The following KCNQ2 variants were observed in gnomAD, a reference collection of about 807,000 sequenced individuals.
KCNQ2 encodes potassium voltage-gated channel subfamily KQT member 2.
In KCNQ2, 14 loss-of-function variants were observed where a neutral mutation model predicts 84.8. The ratio of observed to expected loss-of-function variants is 0.17; its 90% CI spans 0.11 to 0.26. KCNQ2 has a LOEUF of 0.26. Ranked by LOEUF, KCNQ2 falls within the 10% of genes least tolerant of loss-of-function variation. KCNQ2 has a pLI of 1.00. For missense variants in KCNQ2, 788 were observed against 1,254.0 expected (o/e 0.63, Z 5.61); for synonymous variants, 599 against 554.1 (o/e 1.08, Z -1.14).
intron 5 of KCNQ2, among the ~76,000 whole-genome samples, chr20:63,440,879 C>T (rs1342068059): frequency 6.6e-6 from 1 of 151,946 alleles, no homozygotes; most frequent in African/African-American, 2.4e-5. Flanking sequence ...CTGGGCGAGG[C>T]CTGACCAAGA....
Position 63,404,244 on chromosome 20 carries a change from TC to T in KCNQ2, c.*2399del, listed in dbSNP as rs2079868809. On this transcript the variant is annotated 3_prime_UTR_variant, in exon 17 of 17. Coordinates refer to ENST00000359125, the MANE Select transcript of KCNQ2 (RefSeq NM_172107.4). ...ATGGGAGGAAAGAGCAGGCGGGGCC[TC>T]ACCTCGGGGGAGGAAAGAGCAGGTG... is the stretch of plus-strand genomic sequence containing the variant. 6.9e-6 allele frequency: 1 copy of T among 145,886 alleles called. No homozygotes were observed. The highest frequency in any genetic ancestry group is 6.8e-5 in the Admixed American group (1 of 14,782). The allele number at this position is 145,886 out of a possible 1,614,324, so 9.0% of individuals were successfully genotyped here.
At chr20:63,434,746 G>A (rs895206483) in intron 7 of KCNQ2, 1 of 152,234 alleles carries the variant, frequency 6.6e-6, no homozygotes, top group Non-Finnish European at 1.5e-5. Flanking sequence ...TGACGTCCCC[G>A]CGGCCCATCC....
intron 1 of KCNQ2, among the ~76,000 whole-genome samples, chr20:63,469,498 A>C (rs561793803): frequency 1.3e-5 from 2 of 152,328 alleles, no homozygotes; most frequent in South Asian, 4.1e-4. Flanking sequence ...ACGCCCACCA[A>C]GCCCTGGGGC....
At position 63,472,377 on chromosome 20, in the gene KCNQ2, G is replaced by A. The variant is rs779146650; in HGVS notation, c.87C>T (p.Pro29=). The change falls in exon 1 of 17, where the codon CCC becomes CCT. Residue 29 remains proline, a synonymous_variant. Coordinates refer to ENST00000359125, the MANE Select transcript of KCNQ2 (RefSeq NM_172107.4). The part of the protein sequence containing the change: ...KLKVGFVGLD[P]GAPDSTRDGA... Reference sequence around the variant, plus strand: ...CGTCCCGGGTGGAGTCGGGCGCGCCGGGGTCCAGCCCCACGAAGCCCACCT... The same window carrying A: ...CGTCCCGGGTGGAGTCGGGCGCGCCAGGGTCCAGCCCCACGAAGCCCACCT... 4 of 1,534,984 alleles carry A rather than the reference G, an allele frequency of 2.6e-6. No homozygotes were observed. The South Asian group carries it at 3.6e-5, about 14-fold the overall frequency.
chr20:63,471,008 A>G (rs1227936418), intron 1 of KCNQ2: 1 of 152,070 alleles, frequency 6.6e-6, no homozygotes, highest in Non-Finnish European at 1.5e-5. Flanking sequence ...TCTTCTCCCT[A>G]CCCCAGAACC....
intron 9 of KCNQ2, 98 bp from the exon 10 acceptor site, chr20:63,428,533 T>C (rs1177910547): frequency 5.8e-6 from 6 of 1,043,088 alleles, no homozygotes; most frequent in African/African-American, 4.8e-5. Flanking sequence ...GCGCCTGCAG[T>C]GTCAGACACC....
chr20:63,436,154 C>T (rs1210707368), intron 7 of KCNQ2, among the ~76,000 whole-genome samples: 1 of 152,198 alleles, frequency 6.6e-6, no homozygotes, highest in East Asian at 1.9e-4. Flanking sequence ...AAAACGCTAT[C>T]CAACAGAATC....
chr20:63,419,828 C>T (rs1171846153), intron 11 of KCNQ2, among the ~76,000 whole-genome samples, 156 bp from the exon 12 acceptor site: 2 of 152,118 alleles, frequency 1.3e-5, no homozygotes, highest in East Asian at 3.9e-4. Context: ...GGTGCACCAT[C>T]GTCTCCACCG....
chr20:63,461,458 C>G (rs866291333), intron 1 of KCNQ2, among the ~76,000 whole-genome samples: 2 of 152,200 alleles, frequency 1.3e-5, no homozygotes, highest in African/African-American at 4.8e-5. Context: ...AGAGGTGAGC[C>G]AAGCCCCTGA....
intron 7 of KCNQ2, among the ~76,000 whole-genome samples, chr20:63,437,169 C>T (rs1365535037): frequency 6.6e-6 from 1 of 152,272 alleles, no homozygotes; most frequent in East Asian, 1.9e-4. Context: ...TCTGGAACCA[C>T]GGCTGCAGGT....
In KCNQ2 at chr20:63,432,206, ATCCACCCACAGGGAAGGC is replaced by A. The variant is rs1408711890; in HGVS notation, c.1119-855_1119-838del. 9.0e-5 allele frequency among the ~76,000 whole-genome samples: 7 copies of A among 77,406 alleles called. No homozygotes were observed. In the East Asian group the frequency reaches 2.6e-3, roughly 29 times the overall value. 50.8% of individuals were successfully genotyped at this position (77,406 alleles called of 152,430 possible). On this transcript the variant is annotated intron_variant, in intron 8 of 16. Coordinates refer to ENST00000359125, the MANE Select transcript of KCNQ2 (RefSeq NM_172107.4). ...GGGAAGGCTCCACCCTCTGGGAAGG[ATCCACCCACAGGGAAGGC>A]TCCACCCACAGGGAAGGATCCACCC...
chr20:63,442,864 C>T (rs2081239637), intron 4 of KCNQ2, among the ~76,000 whole-genome samples: 1 of 95,998 alleles, frequency 1.0e-5, no homozygotes, highest in Non-Finnish European at 2.2e-5. Flanking sequence ...CCACCACCAT[C>T]ACCATCACCA....
At chr20:63,413,702 T>A in intron 14 of KCNQ2, 121 bp from the exon 15 acceptor site, 2 of 1,125,534 alleles carry the variant, frequency 1.8e-6, no homozygotes, top group Non-Finnish European at 2.6e-6. Flanking sequence ...GCCCCTCTTG[T>A]CTGCCGCCCA....
intron 5 of KCNQ2, 102 bp from the exon 6 acceptor site, chr20:63,439,810 G>A (rs903292512): frequency 2.2e-5 from 19 of 859,588 alleles, no homozygotes; most frequent in African/African-American, 5.0e-5. Context: ...GGACAGATGC[G>A]GGGCCACCCC....
In KCNQ2 at chr20:63,442,510, T is replaced by C. The variant is rs747050726; in HGVS notation, c.712A>G (p.Ile238Val). The C allele has an allele frequency of 1.2e-6, 2 of 1,613,478 alleles. No individual in the cohort carries two copies. The highest frequency in any genetic ancestry group is 1.7e-6 in the Non-Finnish European group (2 of 1,179,892). ...GCCAGGATGAGACAAAGGAAGCCGA[T>C]GTACCAGGCAGTGACCAGCTCCTGA... is the stretch of plus-strand genomic sequence containing the variant. ...HSKELVTAWYIGFLCLILASF... is the reference protein window; with the variant it reads ...HSKELVTAWYVGFLCLILASF... Residue 238 changes from isoleucine to valine, a missense_variant, in exon 5 of 17, where the codon ATC becomes GTC. By Grantham distance (29) the Ile-to-Val change is conservative (BLOSUM62 3). Coordinates refer to ENST00000359125, the MANE Select transcript of KCNQ2 (RefSeq NM_172107.4).
chr20:63,428,479 G>A (rs759145723), intron 9 of KCNQ2, 44 bp from the exon 10 acceptor site: 26 of 1,487,954 alleles, frequency 1.7e-5, no homozygotes, highest in East Asian at 7.1e-5. Context: ...TCACCCTCCC[G>A]AGTCCTGGGA....
Position 63,407,034 on chromosome 20 carries a change from C to A in KCNQ2, c.2229G>T (p.Pro743=), listed in dbSNP as rs1481212168. Residue 743 remains proline (P), a synonymous_variant, in exon 17 of 17, where the codon CCG becomes CCT. Coordinates refer to ENST00000359125, the MANE Select transcript of KCNQ2 (RefSeq NM_172107.4). This position sits in a 1 kb window ranked among gnomAD's most constrained non-coding sequence, Gnocchi z 7.2. ...GCGACCGCTCGTGGGCAGGCGGCGG[C>A]GGGATGCGCACCAGGGAGCCGTGGT... ...VGDHGSLVRI[P]PPPAHERSLS... is the part of the protein sequence containing the mutation. 5.3e-6 allele frequency: 8 copies of A among 1,517,918 alleles called. No homozygotes were observed. The highest frequency in any genetic ancestry group is 2.7e-5 in the African/African-American group (2 of 72,734). 94.0% of individuals were successfully genotyped at this position (1,517,918 alleles called of 1,614,324 possible).
chr20:63,452,832 G>A (rs543148190), intron 1 of KCNQ2, among the ~76,000 whole-genome samples: 65 of 152,252 alleles, frequency 4.3e-4, no homozygotes, highest in African/African-American at 1.5e-3. Flanking sequence ...GACCCTCCTC[G>A]TGGGAACTGG....
At chr20:63,415,775 T>C (rs1254807420) in intron 12 of KCNQ2, among the ~76,000 whole-genome samples, 3 of 152,174 alleles carry the variant, frequency 2.0e-5, no homozygotes, top group Non-Finnish European at 2.9e-5. Context: ...TGGCTCTTCC[T>C]CGGGCACCTC....
Sources: allele counts gnomAD v4.1 joint callset (sites outside exome capture counted in the v4.1 genomes callset), GRCh38; gene constraint gnomAD v4.1.1; non-coding constraint Gnocchi (gnomAD v3.1); transcripts MANE v1.5; gene names NCBI Gene and HGNC (gene_info 2026-07-23, HGNC 2026-07-21).